CTXN1: variants seen among roughly 807,000 people sequenced by gnomAD.
CTXN1 encodes the protein cortexin 1, also known as cortexin-1.
Under a neutral mutation model 5.5 loss-of-function variants are expected in CTXN1, and 4 were observed. That is an observed-to-expected ratio of 0.73 (90% CI 0.36 to 1.68). CTXN1 has a LOEUF of 1.68. CTXN1 is among the 40% of genes most tolerant of loss of function. The probability of loss-of-function intolerance (pLI) is 0.05; values close to 1 mark genes in which losing one functional copy is unlikely to be tolerated. For missense variants in CTXN1, 111 were observed against 123.0 expected (o/e 0.90, Z 0.46); for synonymous variants, 67 against 62.8 (o/e 1.07, Z -0.32).
At position 7,926,051 on chromosome 19, in the gene CTXN1, C is replaced by T. The variant is rs1414868410; in HGVS notation, c.-105G>A. The stretch of plus-strand genomic sequence containing the variant: ...CGCCGGCTGCGCGTTCGGCCTCTCC[C>T]CGGCGGCGGCGGCGGCGGCCCGGGC... On this transcript the variant is annotated 5_prime_UTR_variant, in exon 1 of 2. Transcript: ENST00000318978. The T allele has an allele frequency of 6.7e-6, 1 of 149,216 alleles. No individual in the cohort carries two copies. Among genetic ancestry groups the T allele is most frequent in the African/African-American group, 2.4e-5 (1 of 40,870 alleles). The allele number at this position is 149,216 out of a possible 1,614,324, so 9.2% of individuals were successfully genotyped here. A position where few individuals can be genotyped will look rare whatever the true frequency, so the allele number is the denominator to read the frequency against.
At position 7,925,660 on chromosome 19, in the gene CTXN1, C is replaced by T. The variant is rs1386267732; in HGVS notation, c.-20-102G>A. On this transcript the variant is annotated intron_variant, in intron 1 of 1. Transcript: ENST00000318978. This position sits in a 1 kb window ranked among gnomAD's most constrained non-coding sequence, Gnocchi z 5.0. ...CCTCCTGCCGCCGCCGCCGCCGCCT[C>T]CCTTAACGTGCCCGACCCCATCCCC... The T allele has an allele frequency of 4.9e-6, 5 of 1,025,122 alleles. No individual in the cohort carries two copies. The highest frequency in any genetic ancestry group is 6.3e-6 in the Non-Finnish European group (5 of 794,054). The allele number at this position is 1,025,122 out of a possible 1,614,324, so 63.5% of individuals were successfully genotyped here. A position where few individuals can be genotyped will look rare whatever the true frequency, so the allele number is the denominator to read the frequency against.
Sources: gnomAD v4.1 joint callset for allele counts on GRCh38, gnomAD v4.1.1 for gene constraint, Gnocchi (gnomAD v3.1) non-coding constraint, MANE v1.5 for transcripts, NCBI Gene and HGNC (gene_info 2026-07-23, HGNC 2026-07-21) for gene names.